Variants in CHSY3 observed in about 807,000 individuals in gnomAD.
CHSY3 encodes the protein chondroitin sulfate synthase 3, also known as N-acetylgalactosaminyl-proteoglycan 3-beta-glucuronosyltransferase 3.
CHSY3 carries 35 observed loss-of-function variants against 67.2 expected under a neutral mutation model. That is an observed-to-expected ratio of 0.52 (90% confidence interval 0.40 to 0.69). The LOEUF (loss-of-function observed/expected upper bound fraction) is 0.69. Ranked by LOEUF, CHSY3 falls within the 30% of genes least tolerant of loss-of-function variation. The pLI, the probability that CHSY3 is intolerant of heterozygous loss-of-function variation, is 0.00. For missense variants in CHSY3, 1,069 were observed against 1,138.5 expected, an observed-to-expected ratio of 0.94 and a Z score of 0.88; for synonymous variants, 474 against 434.7, an observed-to-expected ratio of 1.09 and a Z score of -1.12.
At chr5:129,918,389 T>C (rs935876542) in intron 2 of CHSY3, among the ~76,000 whole-genome samples, 1 of 152,244 alleles carries the variant, frequency 6.6e-6, no homozygotes, top group Non-Finnish European at 1.5e-5. Context: ...TGGACGAAGG[T>C]ATCAGAACTA....
chr5:129,917,331 G>A (rs1268243201), intron 2 of CHSY3, among the ~76,000 whole-genome samples: 1 of 152,104 alleles, frequency 6.6e-6, no homozygotes, highest in Non-Finnish European at 1.5e-5. Context: ...AGAACAATAG[G>A]CCTTCCATAT....
At chr5:130,143,784 G>GTGTATATATATATATATGTGTGTATATA (rs1179526892) in intron 2 of CHSY3, among the ~76,000 whole-genome samples, 1 of 73,832 alleles carries the variant, frequency 1.4e-5, no homozygotes, top group African/African-American at 6.2e-5. Flanking sequence ...ATATATATGT[G>GTGTATATATATATATATGTGTGTATATA]TATATATATA....
chr5:130,163,324 T>C (rs1048880086), intron 2 of CHSY3, among the ~76,000 whole-genome samples: 10 of 152,210 alleles, frequency 6.6e-5, no homozygotes, highest in African/African-American at 2.4e-4. Flanking sequence ...TTTTCCTTCT[T>C]TTTAGAGAAA....
intron 2 of CHSY3, among the ~76,000 whole-genome samples, chr5:130,085,847 C>T (rs1326479927): frequency 6.6e-6 from 1 of 152,106 alleles, no homozygotes; most frequent in Non-Finnish European, 1.5e-5. Flanking sequence ...ATCTTTATTT[C>T]TGCCTTCATT....
chr5:129,924,817 G>A (rs997718964), intron 2 of CHSY3, among the ~76,000 whole-genome samples: 1 of 152,014 alleles, frequency 6.6e-6, no homozygotes, highest in African/African-American at 2.4e-5. Flanking sequence ...AAAATGCACT[G>A]CATAGCATCC....
At chr5:130,169,844 G>A (rs797019216) in intron 2 of CHSY3, among the ~76,000 whole-genome samples, 12 of 152,132 alleles carry the variant, frequency 7.9e-5, no homozygotes, top group African/African-American at 2.9e-4. Context: ...TTATCTGAAA[G>A]GGAGGTATGA....
At chr5:130,162,057 A>AAAAAAAAAAAAG (rs1554087189) in intron 2 of CHSY3, among the ~76,000 whole-genome samples, 161 of 122,922 alleles carry the variant, frequency 1.3e-3, no homozygotes, top group Non-Finnish European at 2.0e-3. Flanking sequence ...AAAAAAAAAA[A>AAAAAAAAAAAAG]AAAGAAAGAA....
chr5:130,154,283 G>C (rs1769312370), intron 2 of CHSY3, among the ~76,000 whole-genome samples: 3 of 152,156 alleles, frequency 2.0e-5, no homozygotes, highest in Admixed American at 2.0e-4. Context: ...TTAAGGAATA[G>C]CTCTTCCTTT....
intron 2 of CHSY3, among the ~76,000 whole-genome samples, chr5:130,088,295 G>A (rs530099479): frequency 2.2e-4 from 33 of 150,920 alleles, no homozygotes; most frequent in Admixed American, 1.3e-3. Flanking sequence ...TACCATTCAG[G>A]ACATAGGCAT....
At chr5:129,957,747 C>T (rs940056835) in intron 2 of CHSY3, among the ~76,000 whole-genome samples, 2 of 152,080 alleles carry the variant, frequency 1.3e-5, no homozygotes, top group Non-Finnish European at 2.9e-5. Context: ...TTAGGTTCTT[C>T]CTTTATCCCC....
At chr5:130,045,584 G>T (rs1323448903) in intron 2 of CHSY3, among the ~76,000 whole-genome samples, 1 of 152,042 alleles carries the variant, frequency 6.6e-6, no homozygotes, top group Non-Finnish European at 1.5e-5. Flanking sequence ...GCAGAAATAA[G>T]ACTGATCAGT....
At chr5:130,128,168 T>C (rs1034860535) in intron 2 of CHSY3, among the ~76,000 whole-genome samples, 4 of 151,652 alleles carry the variant, frequency 2.6e-5, no homozygotes, top group African/African-American at 9.7e-5. Flanking sequence ...AAAAATTCTC[T>C]CAAGAGATGA....
chr5:130,154,045 T>G (rs1047218582), intron 2 of CHSY3, among the ~76,000 whole-genome samples: 11 of 152,118 alleles, frequency 7.2e-5, no homozygotes, highest in Middle Eastern at 3.4e-3. Context: ...GCCTTCTGAG[T>G]AGCTGGGACT....
chr5:129,960,913 A>G (rs1762311892), intron 2 of CHSY3, among the ~76,000 whole-genome samples: 1 of 152,092 alleles, frequency 6.6e-6, no homozygotes, highest in Admixed American at 6.6e-5. Flanking sequence ...TTATCAAATT[A>G]TAATTTATTT....
chr5:129,947,155 T>G (rs1482539557), intron 2 of CHSY3, among the ~76,000 whole-genome samples: 1 of 152,158 alleles, frequency 6.6e-6, no homozygotes, highest in Non-Finnish European at 1.5e-5. Flanking sequence ...TTTCTTCACT[T>G]GGCAGCAGGA....
At chr5:130,122,823 T>C (rs1449952595) in intron 2 of CHSY3, among the ~76,000 whole-genome samples, 1 of 152,214 alleles carries the variant, frequency 6.6e-6, no homozygotes, top group Non-Finnish European at 1.5e-5. Context: ...TAAATGTTCT[T>C]TCATAAAACA....
intron 2 of CHSY3, among the ~76,000 whole-genome samples, chr5:130,133,771 T>TAA (rs758023976): frequency 1.2e-4 from 7 of 58,112 alleles, no homozygotes; most frequent in African/African-American, 3.8e-4. Flanking sequence ...GACTCCGTCT[T>TAA]AAAAAAAAAA....
At chr5:130,091,989 C>T (rs1475644852) in intron 2 of CHSY3, among the ~76,000 whole-genome samples, 3 of 152,132 alleles carry the variant, frequency 2.0e-5, no homozygotes, top group Non-Finnish European at 4.4e-5. Flanking sequence ...CAATCCCTCT[C>T]ACTTGTTCTC....
At chr5:130,107,729 G>C (rs1032064665) in intron 2 of CHSY3, among the ~76,000 whole-genome samples, 1 of 151,442 alleles carries the variant, frequency 6.6e-6, no homozygotes, top group Admixed American at 6.6e-5. Flanking sequence ...AAAACTTAGT[G>C]GTATTTGATC....
Sources: allele counts gnomAD v4.1 joint callset (sites outside exome capture counted in the v4.1 genomes callset), GRCh38; gene constraint gnomAD v4.1.1; transcripts MANE v1.5; gene names NCBI Gene and HGNC (gene_info 2026-07-23, HGNC 2026-07-21).